The following EEA1 variants were observed in gnomAD, a reference collection of about 807,000 sequenced individuals.
The protein encoded by EEA1 is early endosome antigen 1, also known as early endosome antigen 1, 162kD.
A neutral mutation model predicts 209.2 loss-of-function variants in EEA1; 111 were observed. The ratio of observed to expected loss-of-function variants is 0.53; its 90% CI spans 0.45 to 0.62. The LOEUF (loss-of-function observed/expected upper bound fraction) is 0.62. EEA1 is among the 20% of genes least tolerant of loss of function. EEA1 has a pLI of 0.00. For synonymous variants in EEA1, 536 were observed against 540.6 expected, an observed-to-expected ratio of 0.99 and a Z score of 0.12; for missense variants, 1,343 against 1,530.8, an observed-to-expected ratio of 0.88 and a Z score of 2.05.
At chr12:92,882,816 C>A (rs1252418418) in intron 2 of EEA1, among the ~76,000 whole-genome samples, 2 of 152,098 alleles carry the variant, frequency 1.3e-5, no homozygotes, top group Non-Finnish European at 2.9e-5. Flanking sequence ...TTTATCCAAT[C>A]CACCATTGAT....
intron 2 of EEA1, among the ~76,000 whole-genome samples, chr12:92,883,389 T>G (rs1879243090): frequency 6.6e-6 from 1 of 152,228 alleles, no homozygotes; most frequent in South Asian, 2.1e-4. Flanking sequence ...GTCGATAGTT[T>G]CTTTCACTGT....
At chr12:92,911,085 C>G (rs1452145178) in intron 1 of EEA1, among the ~76,000 whole-genome samples, 2 of 150,228 alleles carry the variant, frequency 1.3e-5, no homozygotes. Flanking sequence ...TAGTTCCTTA[C>G]AAAACTAAAC....
At chr12:92,896,524 G>T (rs1329300843) in intron 1 of EEA1, among the ~76,000 whole-genome samples, 1 of 152,152 alleles carries the variant, frequency 6.6e-6, no homozygotes, top group Non-Finnish European at 1.5e-5. Flanking sequence ...ATGCTACAGG[G>T]AAATCTTTCA....
At chr12:92,906,614 C>T (rs1172115039) in intron 1 of EEA1, among the ~76,000 whole-genome samples, 1 of 152,080 alleles carries the variant, frequency 6.6e-6, no homozygotes, top group Non-Finnish European at 1.5e-5. Context: ...AGATCGAGAC[C>T]ATCCTGGCTA....
chr12:92,826,912 T>C (rs541236068), intron 12 of EEA1, among the ~76,000 whole-genome samples: 66 of 152,302 alleles, frequency 4.3e-4, no homozygotes, highest in African/African-American at 1.4e-3. Flanking sequence ...TTAACAATAA[T>C]TTAAACCACA....
At chr12:92,891,832 C>T (rs1331135775) in intron 1 of EEA1, 111 bp from the exon 2 acceptor site, 1 of 686,298 alleles carries the variant, frequency 1.5e-6, no homozygotes, top group East Asian at 2.6e-5. Flanking sequence ...GATGTCTTTA[C>T]AATAATAACA....
intron 2 of EEA1, among the ~76,000 whole-genome samples, chr12:92,865,633 T>A (rs1251725219): frequency 2.0e-5 from 3 of 152,132 alleles, no homozygotes; most frequent in African/African-American, 7.2e-5. Context: ...AAGATGCTGA[T>A]AAAGATCCAT....
At chr12:92,928,335 T>C (rs1255980026) in intron 1 of EEA1, among the ~76,000 whole-genome samples, 1 of 152,248 alleles carries the variant, frequency 6.6e-6, no homozygotes, top group Non-Finnish European at 1.5e-5. Flanking sequence ...AGGCAGAAAC[T>C]AAGTGTATAT....
At chr12:92,832,381 AAAGTT>A (rs1876692219) in intron 11 of EEA1, 126 bp downstream of exon 11, 1 of 881,170 alleles carries the variant, frequency 1.1e-6, no homozygotes, top group Non-Finnish European at 1.7e-6. Flanking sequence ...ACAGGATATA[AAAGTT>A]AAGAGTTAAT....
chr12:92,903,260 T>C (rs11612700), intron 1 of EEA1, among the ~76,000 whole-genome samples: 39,027 of 151,020 alleles, frequency 0.26, 5,520 homozygotes, highest in Non-Finnish European at 0.32. Flanking sequence ...TGACAATTAA[T>C]GGGATAAGTG....
chr12:92,786,709 C>T (rs1874149347), intron 22 of EEA1, among the ~76,000 whole-genome samples: 1 of 152,092 alleles, frequency 6.6e-6, no homozygotes, highest in Non-Finnish European at 1.5e-5. Flanking sequence ...CTAGTCTATC[C>T]CAGGTCCAAT....
intron 1 of EEA1, among the ~76,000 whole-genome samples, chr12:92,925,435 C>T (rs1018764426): frequency 6.6e-6 from 1 of 152,034 alleles, no homozygotes; most frequent in African/African-American, 2.4e-5. Flanking sequence ...AAGCTGGTCT[C>T]GAACTCCTGA....
intron 1 of EEA1, among the ~76,000 whole-genome samples, chr12:92,915,437 T>C (rs1393343217): frequency 2.0e-5 from 3 of 152,100 alleles, no homozygotes; most frequent in South Asian, 2.1e-4. Context: ...CTACTTGCAC[T>C]CTAGCCTGGA....
chr12:92,876,942 T>C (rs947254328), intron 2 of EEA1, among the ~76,000 whole-genome samples: 1 of 136,182 alleles, frequency 7.3e-6, no homozygotes, highest in Non-Finnish European at 1.7e-5. Context: ...ACCTGGGTGT[T>C]GTTTTTTTTT....
At chr12:92,902,145 G>A (rs1232699581) in intron 1 of EEA1, among the ~76,000 whole-genome samples, 1 of 152,096 alleles carries the variant, frequency 6.6e-6, no homozygotes, top group Non-Finnish European at 1.5e-5. Flanking sequence ...AGTGAACTGT[G>A]ATTATGCCAC....
chr12:92,867,755 C>A (rs1878466266), intron 2 of EEA1, among the ~76,000 whole-genome samples: 1 of 152,042 alleles, frequency 6.6e-6, no homozygotes, highest in South Asian at 2.1e-4. Flanking sequence ...GAGAAGTATC[C>A]AACTCCACCT....
intron 1 of EEA1, among the ~76,000 whole-genome samples, chr12:92,924,653 T>C (rs1380578846): frequency 1.3e-5 from 2 of 152,096 alleles, no homozygotes; most frequent in Admixed American, 6.5e-5. Flanking sequence ...CCAGGTAGTC[T>C]GGCATCAGAG....
At position 92,902,848 on chromosome 12, in the gene EEA1, T is replaced by C. The variant is rs372596023; in HGVS notation, c.25-11127A>G. Among the ~76,000 whole-genome samples the C allele has an allele frequency of 2.3e-3, 352 of 152,098 alleles. 2 individuals carry two copies. The highest frequency in any genetic ancestry group is 3.9e-3 in the Non-Finnish European group (268 of 68,002). ...TGAGAGGGCATTCCAACCAAAGCAT[T>C]ATTTGTAACAGCTTATAAATCATAA... is the stretch of plus-strand genomic sequence containing the variant. On this transcript the variant is annotated intron_variant, in intron 1 of 28. Transcript: ENST00000322349.
At chr12:92,926,724 G>A (rs1881230766) in intron 1 of EEA1, among the ~76,000 whole-genome samples, 3 of 152,112 alleles carry the variant, frequency 2.0e-5, no homozygotes, top group Admixed American at 2.0e-4. Context: ...ACTCCTCACA[G>A]TACTACCTGC....
Sources: allele counts gnomAD v4.1 joint callset (sites outside exome capture counted in the v4.1 genomes callset), GRCh38; gene constraint gnomAD v4.1.1; transcripts MANE v1.5; gene names NCBI Gene and HGNC (gene_info 2026-07-23, HGNC 2026-07-21).